Variants in DDX60 observed in about 807,000 individuals in gnomAD.
DDX60 encodes the protein probable ATP-dependent RNA helicase DDX60.
Under a neutral mutation model 212.8 loss-of-function variants are expected in DDX60, and 165 were observed. The ratio of observed to expected loss-of-function variants is 0.78; its 90% confidence interval spans 0.68 to 0.88. The LOEUF (loss-of-function observed/expected upper bound fraction) is 0.88. Ranked by LOEUF, DDX60 falls within the 40% of genes least tolerant of loss-of-function variation. DDX60 has a pLI of 0.00. For synonymous variants in DDX60, 703 were observed against 685.3 expected, an observed-to-expected ratio of 1.03 and a Z score of -0.40; for missense variants, 1,905 against 2,003.9, an observed-to-expected ratio of 0.95 and a Z score of 0.94.
chr4:168,256,562 G>A (rs1326726794), intron 25 of DDX60, among the ~76,000 whole-genome samples: 1 of 152,090 alleles, frequency 6.6e-6, no homozygotes, highest in Non-Finnish European at 1.5e-5. Context: ...ATAGACAAAT[G>A]GCTGCAGATC....
chr4:168,285,526 C>T, intron 10 of DDX60, 28 bp from the exon 11 acceptor site: 3 of 1,432,770 alleles, frequency 2.1e-6, no homozygotes, highest in Non-Finnish European at 2.9e-6. Flanking sequence ...AAAATTGAGA[C>T]AAGGTCAAAT....
At chr4:168,218,275 G>T (rs1206312371) in intron 37 of DDX60, among the ~76,000 whole-genome samples, 2 of 152,144 alleles carry the variant, frequency 1.3e-5, no homozygotes, top group Non-Finnish European at 2.9e-5. Context: ...GATATAATGT[G>T]ATGTGTATAA....
chr4:168,316,517 A>T (rs1430055870), intron 1 of DDX60, among the ~76,000 whole-genome samples: 1 of 152,180 alleles, frequency 6.6e-6, no homozygotes, highest in Non-Finnish European at 1.5e-5. Flanking sequence ...GCATCTGAAG[A>T]CAATATATGA....
chr4:168,285,506 C>T lies in DDX60; in HGVS notation c.1340-8G>A, dbSNP rs1269239568. 1 of 1,566,116 alleles carries T rather than the reference C, an allele frequency of 6.4e-7. No homozygotes were observed. Among genetic ancestry groups the T allele is most frequent in the East Asian group, 2.3e-5 (1 of 44,162 alleles). On this transcript the variant is annotated splice_polypyrimidine_tract_variant and splice_region_variant and intron_variant, in intron 10 of 37. Transcript: ENST00000393743. The stretch of plus-strand genomic sequence containing the variant: ...CCATTTCATTGGAGCTGTCTGTAAA[C>T]AAACAAAAAAAAATTGAGACAAGGT...
At chr4:168,278,975 G>C (rs2149524393) in intron 14 of DDX60, among the ~76,000 whole-genome samples, 1 of 152,252 alleles carries the variant, frequency 6.6e-6, no homozygotes, top group South Asian at 2.1e-4. Context: ...ATGAAACCAG[G>C]CTCTTCTGGA....
At chr4:168,285,259 T>A in intron 11 of DDX60, 134 bp downstream of exon 11, 1 of 654,966 alleles carries the variant, frequency 1.5e-6, no homozygotes, top group South Asian at 1.9e-5. Flanking sequence ...AAATTTTGAT[T>A]TTAAATTCAT....
At chr4:168,235,928 A>AT (rs1733615743) in intron 33 of DDX60, 1 of 246,068 alleles carries the variant, frequency 4.1e-6, no homozygotes, top group Non-Finnish European at 7.8e-6. Context: ...ATATTCGGTG[A>AT]TACAGCTAGA....
At chr4:168,253,504 T>C (rs1452855559) in intron 26 of DDX60, among the ~76,000 whole-genome samples, 1 of 152,136 alleles carries the variant, frequency 6.6e-6, no homozygotes, top group East Asian at 1.9e-4. Flanking sequence ...CCTGGGTGGT[T>C]ACGACCTCTC....
At chr4:168,247,936 T>C (rs999879787) in intron 29 of DDX60, among the ~76,000 whole-genome samples, 2 of 152,216 alleles carry the variant, frequency 1.3e-5, no homozygotes, top group Non-Finnish European at 2.9e-5. Flanking sequence ...ATTACCCATA[T>C]TTTGGAGATA....
intron 1 of DDX60, among the ~76,000 whole-genome samples, chr4:168,313,140 G>C (rs1737213956): frequency 6.6e-6 from 1 of 152,134 alleles, no homozygotes; most frequent in African/African-American, 2.4e-5. Flanking sequence ...GGCACAGGAA[G>C]CCATTAGAGA....
intron 14 of DDX60, among the ~76,000 whole-genome samples, chr4:168,277,400 C>T (rs755076690): frequency 1.3e-5 from 2 of 152,098 alleles, no homozygotes; most frequent in Non-Finnish European, 2.9e-5. Context: ...TTTTTGCACC[C>T]GTCTTTGAAG....
At chr4:168,274,388 A>G (rs1024603480) in intron 16 of DDX60, among the ~76,000 whole-genome samples, 8 of 152,230 alleles carry the variant, frequency 5.3e-5, no homozygotes, top group Non-Finnish European at 1.0e-4. Flanking sequence ...GAAAGAGACA[A>G]TATGTATATT....
intron 6 of DDX60, among the ~76,000 whole-genome samples, chr4:168,297,378 GAAAGA>G (rs1736440927): frequency 1.9e-5 from 1 of 53,876 alleles, no homozygotes; most frequent in Non-Finnish European, 3.5e-5. Flanking sequence ...AAGAAAGAAA[GAAAGA>G]GAAAGAAAGA....
intron 16 of DDX60, 35 bp downstream of exon 16, chr4:168,275,310 A>T (rs1421621451): frequency 1.9e-6 from 3 of 1,559,918 alleles, no homozygotes; most frequent in Non-Finnish European, 1.7e-6. Flanking sequence ...TATAATAAGA[A>T]AATACAGTAA....
intron 2 of DDX60, 26 bp from the exon 3 acceptor site, chr4:168,311,093 G>A (rs768297943): frequency 1.4e-6 from 2 of 1,474,994 alleles, no homozygotes; most frequent in Non-Finnish European, 9.4e-7. Context: ...AAGAGAGAAA[G>A]AGAATGGGTT....
intron 23 of DDX60, 117 bp downstream of exon 23, chr4:168,262,566 T>C (rs1734665549): frequency 1.5e-6 from 1 of 680,242 alleles, no homozygotes; most frequent in Non-Finnish European, 2.5e-6. Context: ...GGCACTCTTA[T>C]TGTAGGAAGA....
chr4:168,306,132 C>A (rs1736864088), intron 5 of DDX60, among the ~76,000 whole-genome samples: 1 of 152,106 alleles, frequency 6.6e-6, no homozygotes, highest in Non-Finnish European at 1.5e-5. Flanking sequence ...TAACACCTAC[C>A]TTATAAGATT....
chr4:168,285,933 A>G (rs1019718425), intron 10 of DDX60, among the ~76,000 whole-genome samples: 2 of 91,370 alleles, frequency 2.2e-5, no homozygotes, highest in South Asian at 4.2e-4. Context: ...GGAAGGAAGG[A>G]AGGAAGGGAG....
intron 33 of DDX60, among the ~76,000 whole-genome samples, chr4:168,232,779 C>A (rs1733500378): frequency 6.6e-6 from 1 of 152,030 alleles, no homozygotes; most frequent in African/African-American, 2.4e-5. Context: ...ATTATAAAAA[C>A]CCTTCTAGAC....
Sources: allele counts gnomAD v4.1 joint callset (sites outside exome capture counted in the v4.1 genomes callset), GRCh38; gene constraint gnomAD v4.1.1; transcripts MANE v1.5; gene names NCBI Gene and HGNC (gene_info 2026-07-23, HGNC 2026-07-21).